Variants in WFDC9 observed in about 807,000 individuals in gnomAD.
WFDC9 encodes protein WFDC9.
WFDC9 carries 9 observed loss-of-function variants against 9.5 expected under a neutral mutation model. The observed-to-expected ratio is 0.95, with a 90% CI of 0.57 to 1.65. The LOEUF (loss-of-function observed/expected upper bound fraction) is 1.65. Ranked by LOEUF, WFDC9 falls within the 40% of genes most tolerant of loss-of-function variation. The pLI, the probability that WFDC9 is intolerant of heterozygous loss-of-function variation, is 0.00. For missense variants in WFDC9, 87 were observed against 106.7 expected, an observed-to-expected ratio of 0.82 and a Z score of 0.81; for synonymous variants, 33 against 32.3, an observed-to-expected ratio of 1.02 and a Z score of -0.07.
intron 2 of WFDC9, among the ~76,000 whole-genome samples, chr20:45,611,025 G>A (rs1184484224): frequency 1.3e-5 from 2 of 152,222 alleles, no homozygotes; most frequent in South Asian, 4.1e-4. Context: ...GCGGCCTGTA[G>A]TAGCAGAGAA....
chr20:45,610,045 A>T, intron 3 of WFDC9, 46 bp downstream of exon 3: 1 of 1,511,546 alleles, frequency 6.6e-7, no homozygotes, highest in Non-Finnish European at 9.2e-7. Context: ...TACAATAGAC[A>T]TCCCAGGACT....
chr20:45,620,291 T>G (rs1396641302), intron 1 of WFDC9, among the ~76,000 whole-genome samples: 1 of 152,186 alleles, frequency 6.6e-6, no homozygotes, highest in Non-Finnish European at 1.5e-5. Context: ...TAAGTCATTG[T>G]AACTAAGTAC....
chr20:45,615,217 C>T (rs1484869016), intron 1 of WFDC9, among the ~76,000 whole-genome samples: 6 of 152,236 alleles, frequency 3.9e-5, no homozygotes, highest in South Asian at 2.1e-4. Context: ...ATGAAGGAAG[C>T]GACGTGACCA....
intron 1 of WFDC9, among the ~76,000 whole-genome samples, chr20:45,615,559 T>C (rs1321750074): frequency 6.6e-6 from 1 of 152,218 alleles, no homozygotes; most frequent in African/African-American, 2.4e-5. Context: ...GTGAGCCAAG[T>C]GCACTTTTTT....
At chr20:45,623,786 A>G (rs1028283855) in intron 1 of WFDC9, among the ~76,000 whole-genome samples, 1 of 152,156 alleles carries the variant, frequency 6.6e-6, no homozygotes, top group Non-Finnish European at 1.5e-5. Flanking sequence ...GGAACATTCA[A>G]TATCTTCCTT....
intron 2 of WFDC9, among the ~76,000 whole-genome samples, chr20:45,613,314 A>G (rs1296255148): frequency 6.6e-6 from 1 of 152,210 alleles, no homozygotes; most frequent in Admixed American, 6.5e-5. Context: ...GTTCTACTGA[A>G]CAATGCTGCT....
intron 1 of WFDC9, chr20:45,630,859 C>T (rs1416600250): frequency 1.3e-6 from 2 of 1,589,270 alleles, no homozygotes; most frequent in South Asian, 1.2e-5. Context: ...CCGTTCTATT[C>T]TCCTTGTCAG....
intron 2 of WFDC9, among the ~76,000 whole-genome samples, chr20:45,613,811 T>G (rs1017130541): frequency 2.0e-5 from 3 of 152,200 alleles, no homozygotes; most frequent in Non-Finnish European, 4.4e-5. Context: ...CTTCTGATTA[T>G]GTGAATATAC....
intron 4 of WFDC9, 55 bp downstream of exon 4, chr20:45,608,608 A>G: frequency 6.4e-7 from 1 of 1,562,064 alleles, no homozygotes; most frequent in Non-Finnish European, 8.6e-7. Context: ...ATAGTCGGTA[A>G]GGACCAGTGA....
At chr20:45,608,616 T>C (rs546288983) in intron 4 of WFDC9, 47 bp downstream of exon 4, 1 of 1,582,264 alleles carries the variant, frequency 6.3e-7, no homozygotes, top group Non-Finnish European at 8.6e-7. Flanking sequence ...TAAGGACCAG[T>C]GATGAAGCAT....
chr20:45,624,156 C>T (rs980250501), intron 1 of WFDC9, among the ~76,000 whole-genome samples: 1 of 152,176 alleles, frequency 6.6e-6, no homozygotes, highest in African/African-American at 2.4e-5. Context: ...CGTCCCACCG[C>T]ACTCCAGCCT....
intron 1 of WFDC9, among the ~76,000 whole-genome samples, chr20:45,628,056 A>G (rs975935272): frequency 3.9e-5 from 6 of 152,228 alleles, no homozygotes; most frequent in Admixed American, 2.0e-4. Flanking sequence ...ATTTGAATGT[A>G]TAAAGTATAG....
At chr20:45,627,807 ATTAT>A in intron 1 of WFDC9, among the ~76,000 whole-genome samples, 1 of 152,266 alleles carries the variant, frequency 6.6e-6, no homozygotes, top group East Asian at 1.9e-4. Flanking sequence ...CTAATTTCTA[ATTAT>A]TTCCATTATA....
At chr20:45,617,472 A>G (rs1981997746) in intron 1 of WFDC9, among the ~76,000 whole-genome samples, 1 of 151,982 alleles carries the variant, frequency 6.6e-6, no homozygotes, top group South Asian at 2.1e-4. Flanking sequence ...ATTTAAAAAG[A>G]AAATCCATGT....
chr20:45,628,508 C>G (rs959087771), intron 1 of WFDC9, among the ~76,000 whole-genome samples: 4 of 152,158 alleles, frequency 2.6e-5, no homozygotes, highest in African/African-American at 9.7e-5. Context: ...TATATAACCC[C>G]TCTTTGCTAG....
chr20:45,623,713 A>G (rs1221648270), intron 1 of WFDC9, among the ~76,000 whole-genome samples: 1 of 152,202 alleles, frequency 6.6e-6, no homozygotes, highest in Non-Finnish European at 1.5e-5. Flanking sequence ...TATAATGTAT[A>G]GTGATCAGAT....
At chr20:45,621,560 A>G (rs2425716) in intron 1 of WFDC9, among the ~76,000 whole-genome samples, 53,564 of 152,058 alleles carry the variant, frequency 0.35, 9,636 homozygotes, top group Middle Eastern at 0.43. Flanking sequence ...TGCCTCAACC[A>G]TTTGTACAAA....
chr20:45,620,838 A>T (rs1982083143), intron 1 of WFDC9, among the ~76,000 whole-genome samples: 1 of 152,094 alleles, frequency 6.6e-6, no homozygotes, highest in African/African-American at 2.4e-5. Flanking sequence ...TTGGTGGGGC[A>T]TCCTTTTTTA....
chr20:45,615,777 T>A (rs142638532), intron 1 of WFDC9, among the ~76,000 whole-genome samples: 5 of 149,514 alleles, frequency 3.3e-5, no homozygotes, highest in Non-Finnish European at 7.4e-5. Flanking sequence ...AGTTTTCTTA[T>A]GATGAATTTC....
Sources: allele counts gnomAD v4.1 joint callset (sites outside exome capture counted in the v4.1 genomes callset), GRCh38; gene constraint gnomAD v4.1.1; transcripts MANE v1.5; gene names NCBI Gene and HGNC (gene_info 2026-07-23, HGNC 2026-07-21).